Variants in AP3S2 observed in about 807,000 individuals in gnomAD.
AP3S2 encodes adaptor related protein complex 3 subunit sigma 2.
A neutral mutation model predicts 23.4 loss-of-function variants in AP3S2; 22 were observed. That is an observed-to-expected ratio of 0.94 (90% CI 0.67 to 1.34). The LOEUF (loss-of-function observed/expected upper bound fraction) is 1.34, where lower values mean the gene tolerates loss of function less well. Ranked by LOEUF, AP3S2 falls within the 40% of genes most tolerant of loss-of-function variation. The pLI is 0.00. For synonymous variants in AP3S2, 86 were observed against 87.1 expected (o/e 0.99, Z 0.07); for missense variants, 241 against 236.9 (o/e 1.02, Z -0.11).
intron 4 of AP3S2, among the ~76,000 whole-genome samples, chr15:89,860,133 CA>C (rs1268460662): frequency 6.6e-6 from 1 of 152,092 alleles, no homozygotes; most frequent in Non-Finnish European, 1.5e-5. Flanking sequence ...CTACAGCCAA[CA>C]CTAAGAATTG....
At chr15:89,882,228 G>A (rs1048407763) in intron 3 of AP3S2, among the ~76,000 whole-genome samples, 2 of 151,986 alleles carry the variant, frequency 1.3e-5, no homozygotes, top group Non-Finnish European at 2.9e-5. Flanking sequence ...ACAACCGTTT[G>A]CATAAAGACT....
Position 89,877,333 on chromosome 15 carries a change from CT to C in AP3S2, c.274-5788del, listed in dbSNP as rs771295642. On this transcript the variant is annotated intron_variant, in intron 3 of 5. Coordinates refer to ENST00000336418, the MANE Select transcript of AP3S2 (RefSeq NM_005829.5). ...TTAAGGTTTGGGAACTTATAGCCTTCTTGTTCTGATGTCAGGTCCTTGTTCC... is the reference window on the plus strand; with the variant it reads ...TTAAGGTTTGGGAACTTATAGCCTTCTGTTCTGATGTCAGGTCCTTGTTCC... 4.2e-4 allele frequency: 547 copies of C among 1,310,454 alleles called. 3 individuals carry two copies. Among genetic ancestry groups the C allele is most frequent in the Non-Finnish European group, 7.3e-5 (73 of 998,456 alleles). The allele number at this position is 1,310,454 out of a possible 1,614,324, so 81.2% of individuals were successfully genotyped here.
At chr15:89,835,677 T>A (rs1895172649) in intron 5 of AP3S2, 34 bp from the exon 6 acceptor site, 11 of 1,481,436 alleles carry the variant, frequency 7.4e-6, no homozygotes, top group Non-Finnish European at 1.0e-5. Flanking sequence ...ATGAGACAAA[T>A]TCTCACTGTT....
intron 4 of AP3S2, chr15:89,850,802 T>G (rs928813105): frequency 6.6e-6 from 1 of 151,872 alleles, no homozygotes; most frequent in Non-Finnish European, 1.5e-5. Context: ...ACTGCAGCCA[T>G]GGCCTCCCAG....
intron 4 of AP3S2, among the ~76,000 whole-genome samples, chr15:89,838,612 T>A (rs1266415539): frequency 6.6e-6 from 1 of 152,146 alleles, no homozygotes; most frequent in African/African-American, 2.4e-5. Flanking sequence ...CCAAATCACA[T>A]CAAATGGCCC....
At chr15:89,874,429 T>G (rs1896394395) in intron 3 of AP3S2, among the ~76,000 whole-genome samples, 1 of 152,118 alleles carries the variant, frequency 6.6e-6, no homozygotes, top group African/African-American at 2.4e-5. Flanking sequence ...TTCACCTGGG[T>G]GCAGTCTTTC....
intron 1 of AP3S2, among the ~76,000 whole-genome samples, chr15:89,889,689 C>A (rs77202875): frequency 6.7e-6 from 1 of 149,574 alleles, no homozygotes; most frequent in African/African-American, 2.5e-5. Flanking sequence ...CAAAAAAAAA[C>A]AAAACAAAAT....
chr15:89,889,546 TAAG>T, intron 1 of AP3S2: 1 of 192,060 alleles, frequency 5.2e-6, no homozygotes, highest in Non-Finnish European at 1.1e-5. Context: ...TCTAACATTT[TAAG>T]AAGGTCAAGA....
rs573123943 is a variant in AP3S2 at position 89,832,701 on chromosome 15, G to C, written c.*2814C>G. The C allele has an allele frequency of 1.3e-5, 2 of 152,156 alleles. No homozygotes were observed. The highest frequency in any genetic ancestry group is 4.8e-5 in the African/African-American group (2 of 41,492). 9.4% of individuals were successfully genotyped at this position (152,156 alleles called of 1,614,324 possible). Reference sequence around the variant, plus strand: ...GATGGGTTTTCACTGTGTTAGCTAGGATGGTCTCGATCTCCTGACCTCGTG... The same window carrying C: ...GATGGGTTTTCACTGTGTTAGCTAGCATGGTCTCGATCTCCTGACCTCGTG... On this transcript the variant is annotated 3_prime_UTR_variant, in exon 6 of 6. Coordinates refer to ENST00000336418, the MANE Select transcript of AP3S2 (RefSeq NM_005829.5).
chr15:89,837,758 CTG>C (rs1895231561), intron 4 of AP3S2, 36 bp from the exon 5 acceptor site: 2 of 1,612,406 alleles, frequency 1.2e-6, no homozygotes, highest in Non-Finnish European at 8.5e-7. Flanking sequence ...TCAGAATACT[CTG>C]TGGTGGTCAG....
chr15:89,832,033 G>C lies in AP3S2; in HGVS notation c.*3482C>G, dbSNP rs1038514634. 6.6e-6 allele frequency: 1 copy of C among 152,234 alleles called. No homozygotes were observed. Among genetic ancestry groups the C allele is most frequent in the Non-Finnish European group, 1.5e-5 (1 of 68,044 alleles). The allele number at this position is 152,234 out of a possible 1,614,324, so 9.4% of individuals were successfully genotyped here. The stretch of plus-strand genomic sequence containing the variant: ...CTCACAGAGACAACAGGAGCAGACA[G>C]AGCCTTGTTTCTCTCTTAATCTTCA... On this transcript the variant is annotated 3_prime_UTR_variant, in exon 6 of 6. Transcript: ENST00000336418.
intron 4 of AP3S2, among the ~76,000 whole-genome samples, chr15:89,857,496 C>T (rs771926955): frequency 1.3e-5 from 2 of 152,110 alleles, no homozygotes; most frequent in Non-Finnish European, 2.9e-5. Context: ...GGGAGGCACT[C>T]GCCTCCCACA....
At chr15:89,843,610 G>A (rs954366018) in intron 4 of AP3S2, among the ~76,000 whole-genome samples, 1 of 152,122 alleles carries the variant, frequency 6.6e-6, no homozygotes, top group South Asian at 2.1e-4. Flanking sequence ...ACTCCAGCCT[G>A]GGTGATGGAG....
At chr15:89,839,672 A>G (rs995810991) in intron 4 of AP3S2, among the ~76,000 whole-genome samples, 1 of 152,168 alleles carries the variant, frequency 6.6e-6, no homozygotes, top group Non-Finnish European at 1.5e-5. Context: ...TATACACTCA[A>G]AAGAACTGAA....
intron 4 of AP3S2, among the ~76,000 whole-genome samples, chr15:89,854,304 G>GC (rs1266405545): frequency 4.6e-5 from 1 of 21,922 alleles, no homozygotes; most frequent in Non-Finnish European, 9.2e-5. Flanking sequence ...GGGGGGGTCA[G>GC]CCCCCCCACC....
At chr15:89,889,724 C>T (rs776763159) in intron 1 of AP3S2, among the ~76,000 whole-genome samples, 6 of 151,738 alleles carry the variant, frequency 4.0e-5, no homozygotes, top group Non-Finnish European at 7.4e-5. Flanking sequence ...ATTAGCTGGG[C>T]GTGGTGGCGC....
At chr15:89,889,326 T>C in intron 1 of AP3S2, 186 bp from the exon 2 acceptor site, 1 of 629,322 alleles carries the variant, frequency 1.6e-6, no homozygotes, top group Non-Finnish European at 2.7e-6. Flanking sequence ...GTGACAATGC[T>C]CTGATACAGG....
intron 4 of AP3S2, among the ~76,000 whole-genome samples, chr15:89,858,487 GAAAGAA>G (rs1217163380): frequency 0.26 from 17,816 of 69,038 alleles, 1,884 homozygotes; most frequent in East Asian, 0.58. Context: ...AAGAAAGAAA[GAAAGAA>G]AGAGAGAGAG....
rs550182651 is a variant in AP3S2 at position 89,891,411 on chromosome 15, C to A, written c.70-2271G>T. Among the ~76,000 whole-genome samples, 35 of 152,284 alleles carry A rather than the reference C, an allele frequency of 2.3e-4. No homozygotes were observed. In the South Asian group the frequency reaches 3.5e-3, roughly 15 times the overall value. ...CGGTGGCTCACGCCTGTAATCCCTG[C>A]ACTTTGGGAGGCCAAGACGGGCAGA... On this transcript the variant is annotated intron_variant, in intron 1 of 5. Transcript: ENST00000336418.
Sources: gnomAD v4.1 joint callset for allele counts (sites outside exome capture counted in the v4.1 genomes callset) on GRCh38, gnomAD v4.1.1 for gene constraint, MANE v1.5 for transcripts, NCBI Gene and HGNC (gene_info 2026-07-23, HGNC 2026-07-21) for gene names.